IL13RA2: variants seen among roughly 807,000 people sequenced by gnomAD.
IL13RA2 encodes the protein interleukin 13 receptor subunit alpha 2.
In IL13RA2, 25 loss-of-function variants were observed where a neutral mutation model predicts 34.1. The ratio of observed to expected loss-of-function variants is 0.73; its 90% CI spans 0.53 to 1.03. The LOEUF (loss-of-function observed/expected upper bound fraction) is 1.03. Among genes scored for constraint, IL13RA2 ranks in the 50% least tolerant of loss-of-function variants. The pLI is 0.00. For missense variants in IL13RA2, 297 were observed against 280.9 expected (o/e 1.06, Z -0.41); for synonymous variants, 106 against 100.4 (o/e 1.06, Z -0.33).
At chrX:115,013,283 A>T (rs1457410328) in intron 5 of IL13RA2, among the ~76,000 whole-genome samples, 1 of 110,931 alleles carries the variant, frequency 9.0e-6, no homozygotes, top group African/African-American at 3.3e-5. Context: ...TAGGTACTTA[A>T]CAGATGTGCA....
chrX:115,012,353 A>C (rs892987669), intron 5 of IL13RA2, among the ~76,000 whole-genome samples: 1 of 112,175 alleles, frequency 8.9e-6, no homozygotes, highest in Non-Finnish European at 1.9e-5. Flanking sequence ...GGCAAGAGAA[A>C]TATAATAAAC....
At chrX:115,005,090 A>G (rs2071679678) in intron 9 of IL13RA2, 107 bp downstream of exon 9, 1 of 503,067 alleles carries the variant, frequency 2.0e-6, no homozygotes, top group East Asian at 3.4e-5. Flanking sequence ...TTGTACACCC[A>G]CAGCGAACAA....
Position 115,015,719 on chromosome X carries a change from G to A in IL13RA2, c.197C>T (p.Thr66Ile). ...PLSLDHFKEC[T>I]VEYELKYRNI... ...TCGGTATTTTAGTTCATATTCCACT[G>A]TGCATTCCTTAAAATGATCCAGAGA... Residue 66 changes from threonine (T) to isoleucine (I), a missense_variant, in exon 3 of 10, where the codon ACA (threonine) becomes ATA (isoleucine). Thr to Ile is a moderately conservative substitution (Grantham distance 89). Coordinates refer to ENST00000243213, the MANE Select transcript of IL13RA2 (RefSeq NM_000640.3). The A allele has an allele frequency of 8.3e-7, 1 of 1,199,048 alleles. No homozygotes were observed. The highest frequency in any genetic ancestry group is 1.1e-6 in the Non-Finnish European group (1 of 884,165).
Position 115,015,671 on chromosome X carries a change from T to G in IL13RA2, c.245A>C (p.Lys82Thr). The G allele has an allele frequency of 8.3e-7, 1 of 1,201,762 alleles. No homozygotes were observed. Among genetic ancestry groups the G allele is most frequent in the South Asian group, 1.8e-5 (1 of 56,724 alleles). The change falls in exon 3 of 10, where the codon AAG (lysine) becomes ACG (threonine). Residue 82 changes from lysine to threonine, a missense_variant and splice_region_variant. Coordinates refer to ENST00000243213, the MANE Select transcript of IL13RA2 (RefSeq NM_000640.3). ...ACGGCAAATGCATGCTTTACTTACC[T>G]TCCATGTTTCACTACCAATGTTTCG... is the stretch of plus-strand genomic sequence containing the variant. ...KYRNIGSETWKTIITKNLHYK... is the reference protein window; with the variant it reads ...KYRNIGSETWTTIITKNLHYK...
At chrX:115,016,018 C>T (rs1556509917) in intron 2 of IL13RA2, among the ~76,000 whole-genome samples, 197 bp from the exon 3 acceptor site, 1 of 111,579 alleles carries the variant, frequency 9.0e-6, no homozygotes, top group African/African-American at 3.3e-5. Flanking sequence ...ACCTTGAGAA[C>T]ATTATACTAA....
chrX:115,013,849 A>G lies in IL13RA2; in HGVS notation c.441T>C (p.Tyr147=), dbSNP rs782539183. Residue 147 remains tyrosine (Y), a synonymous_variant, in exon 5 of 10, where the codon TAT becomes TAC. Transcript: ENST00000243213. The part of the protein sequence containing the change: ...ETKVQDMDCV[Y]YNWQYLLCSW... ...AACAGAGTAAATATTGCCAATTGTA[A>G]TATACGCAATCCATATCCTGAACTT... 2.0e-6 allele frequency: 2 copies of G among 1,000,886 alleles called. No homozygotes were observed. The highest frequency in any genetic ancestry group is 2.8e-6 in the Non-Finnish European group (2 of 706,022). 82.5% of individuals were successfully genotyped at this position (1,000,886 alleles called of 1,213,427 possible).
chrX:115,011,029 C>T (rs1333947097), intron 5 of IL13RA2, among the ~76,000 whole-genome samples: 10 of 111,304 alleles, frequency 9.0e-5, no homozygotes, highest in African/African-American at 3.3e-4. Context: ...ACATAGTCCC[C>T]GATTTCATGG....
chrX:115,004,202 C>G, intron 9 of IL13RA2, 96 bp from the exon 10 acceptor site: 1 of 494,579 alleles, frequency 2.0e-6, no homozygotes. Flanking sequence ...GAGCATTCAG[C>G]AAACAAAGTG....
intron 2 of IL13RA2, among the ~76,000 whole-genome samples, chrX:115,016,477 G>A (rs2071727726): frequency 1.8e-5 from 2 of 108,996 alleles, no homozygotes; most frequent in South Asian, 7.7e-4. Flanking sequence ...ATTCAATGTG[G>A]CTTTATCTCT....
chrX:115,008,020 T>C lies in IL13RA2; in HGVS notation c.909A>G (p.Gln303=). ...YTLKTTNETR[Q]LCFVVRSKVN... Reference sequence around the variant, plus strand: ...CTTTGCTTCTTACTACAAAGCATAATTGTCGGGTTTCATTTGTTGTTTTCA... The same window carrying C: ...CTTTGCTTCTTACTACAAAGCATAACTGTCGGGTTTCATTTGTTGTTTTCA... The change falls in exon 8 of 10, where the codon CAA becomes CAG. Residue 303 remains glutamine, a synonymous_variant. Coordinates refer to ENST00000243213, the MANE Select transcript of IL13RA2 (RefSeq NM_000640.3). 8.8e-7 allele frequency: 1 copy of C among 1,136,477 alleles called. No individual in the cohort carries two copies. Among genetic ancestry groups the C allele is most frequent in the Non-Finnish European group, 1.2e-6 (1 of 828,488 alleles). 93.7% of individuals were successfully genotyped at this position (1,136,477 alleles called of 1,213,427 possible).
intron 7 of IL13RA2, among the ~76,000 whole-genome samples, chrX:115,009,209 T>C (rs2071696407): frequency 9.1e-6 from 1 of 109,619 alleles, no homozygotes; most frequent in Non-Finnish European, 1.9e-5. Context: ...TTTGTGGGTT[T>C]TTTTTTTTAA....
chrX:115,009,722 C>G (rs890133882), intron 6 of IL13RA2, 56 bp from the exon 7 acceptor site: 2 of 1,070,019 alleles, frequency 1.9e-6, no homozygotes, highest in South Asian at 2.0e-5. Flanking sequence ...TTAGCAGTAG[C>G]CTTTATCCAA....
intron 3 of IL13RA2, 77 bp downstream of exon 3, chrX:115,015,593 G>T (rs2071723577): frequency 1.1e-6 from 1 of 884,470 alleles, no homozygotes; most frequent in African/African-American, 1.9e-5. Flanking sequence ...ATGGGAATTG[G>T]AGCGGACACT....
At chrX:115,017,093 CA>C (rs2071731077) in intron 2 of IL13RA2, 82 bp downstream of exon 2, 2 of 570,849 alleles carry the variant, frequency 3.5e-6, no homozygotes, top group East Asian at 6.8e-5. Context: ...TAAGGCAGGT[CA>C]AAAAGACAGT....
chrX:115,007,491 A>G (rs918830137), intron 8 of IL13RA2, among the ~76,000 whole-genome samples: 1 of 112,151 alleles, frequency 8.9e-6, no homozygotes, highest in Non-Finnish European at 1.9e-5. Context: ...TTAGAAGTGA[A>G]TGGAATGAAT....
intron 2 of IL13RA2, among the ~76,000 whole-genome samples, 164 bp downstream of exon 2, chrX:115,017,012 T>C (rs782405466): frequency 2.7e-5 from 3 of 111,482 alleles, no homozygotes; most frequent in South Asian, 3.7e-4. Context: ...AGTAAGAACA[T>C]AGCTTTTTTT....
intron 5 of IL13RA2, among the ~76,000 whole-genome samples, chrX:115,011,327 T>C (rs2071705128): frequency 9.0e-6 from 1 of 111,391 alleles, no homozygotes; most frequent in Non-Finnish European, 1.9e-5. Context: ...GAGATAAACC[T>C]CAGAAAAGCC....
intron 6 of IL13RA2, 37 bp from the exon 7 acceptor site, chrX:115,009,703 T>A: frequency 8.5e-7 from 1 of 1,172,825 alleles, no homozygotes; most frequent in Non-Finnish European, 1.2e-6. Context: ...ACACGGAGAT[T>A]GTTGAAGTTT....
At chrX:115,011,066 C>T (rs1458513664) in intron 5 of IL13RA2, among the ~76,000 whole-genome samples, 7 of 111,507 alleles carry the variant, frequency 6.3e-5, no homozygotes, top group Admixed American at 9.5e-5. Context: ...GGAGTCCTCG[C>T]AAAATCTCAA....
Sources: allele counts gnomAD v4.1 joint callset (sites outside exome capture counted in the v4.1 genomes callset), GRCh38; gene constraint gnomAD v4.1.1; transcripts MANE v1.5; gene names NCBI Gene and HGNC (gene_info 2026-07-23, HGNC 2026-07-21).